Variants in CLPB observed in about 807,000 individuals in gnomAD.
CLPB encodes the protein ClpB family mitochondrial disaggregase.
In CLPB, 40 loss-of-function variants were observed where a neutral mutation model predicts 78.4. The observed-to-expected ratio is 0.51, with a 90% confidence interval of 0.40 to 0.66. The LOEUF is 0.66. Among genes scored for constraint, CLPB ranks in the 30% least tolerant of loss-of-function variants. The pLI, the probability that CLPB is intolerant of heterozygous loss-of-function variation, is 0.00. For missense variants in CLPB, 780 were observed against 886.9 expected (o/e 0.88, Z 1.53); for synonymous variants, 333 against 348.0 (o/e 0.96, Z 0.48).
intron 9 of CLPB, among the ~76,000 whole-genome samples, chr11:72,306,323 C>A: frequency 6.6e-6 from 1 of 152,192 alleles, no homozygotes; most frequent in Non-Finnish European, 1.5e-5. Flanking sequence ...GCTGGGGCCA[C>A]TTGGCTGGCA....
chr11:72,426,382 G>A (rs907174167), intron 2 of CLPB, among the ~76,000 whole-genome samples: 9 of 152,194 alleles, frequency 5.9e-5, no homozygotes, highest in Non-Finnish European at 8.8e-5. Context: ...CTAGGTTTCG[G>A]GTGAGCAGTT....
intron 3 of CLPB, among the ~76,000 whole-genome samples, chr11:72,385,684 G>T (rs139750674): frequency 3.3e-5 from 5 of 152,150 alleles, no homozygotes; most frequent in African/African-American, 1.2e-4. Flanking sequence ...TTATCTGGGC[G>T]TGGTGGTGTA....
chr11:72,352,474 G>A (rs1490887697), intron 5 of CLPB: 1 of 152,206 alleles, frequency 6.6e-6, no homozygotes, highest in African/African-American at 2.4e-5. Context: ...AAAGTATGCT[G>A]CTTCATACTC....
At position 72,333,849 on chromosome 11, in the gene CLPB, C is replaced by G. The variant is rs529563003; in HGVS notation, c.776-4045G>C. On this transcript the variant is annotated intron_variant, in intron 5 of 15. Coordinates refer to ENST00000538039, the MANE Select transcript of CLPB (RefSeq NM_001258392.3). ...GTGGCAGACAGCATCCTCCCCTCCC[C>G]GCAGAGCTAAACCACAACGGAGGCA... Among the ~76,000 whole-genome samples, 10 of 152,278 alleles carry G rather than the reference C, an allele frequency of 6.6e-5. No homozygotes were observed. In the East Asian group the frequency reaches 1.7e-3, roughly 26 times the overall value.
At chr11:72,322,054 A>G (rs1369787076) in intron 6 of CLPB, among the ~76,000 whole-genome samples, 1 of 152,106 alleles carries the variant, frequency 6.6e-6, no homozygotes, top group African/African-American at 2.4e-5. Context: ...AGTCTAGGGG[A>G]TGCAGAGCAG....
chr11:72,363,352 C>A (rs542915836), intron 4 of CLPB: 1 of 152,110 alleles, frequency 6.6e-6, no homozygotes, highest in Non-Finnish European at 1.5e-5. Context: ...CTCTAGATAA[C>A]AAAAGCTTTA....
chr11:72,423,851 T>C (rs891633815), intron 2 of CLPB, among the ~76,000 whole-genome samples: 7 of 152,230 alleles, frequency 4.6e-5, no homozygotes, highest in Non-Finnish European at 1.0e-4. Flanking sequence ...GGTCCAGCCT[T>C]ATTGGCCTTC....
chr11:72,323,754 G>A (rs1297493702), intron 6 of CLPB, among the ~76,000 whole-genome samples: 1 of 152,062 alleles, frequency 6.6e-6, no homozygotes, highest in Non-Finnish European at 1.5e-5. Context: ...TTTCTTGTAA[G>A]GAGAATTATT....
intron 12 of CLPB, among the ~76,000 whole-genome samples, chr11:72,295,184 T>C (rs1479027343): frequency 6.6e-6 from 1 of 152,224 alleles, no homozygotes. Flanking sequence ...CTCTTGCATG[T>C]GCATCTCCTC....
intron 7 of CLPB, among the ~76,000 whole-genome samples, chr11:72,316,397 T>A (rs1949942537): frequency 6.6e-6 from 1 of 152,196 alleles, no homozygotes. Flanking sequence ...CCTTGCCTCA[T>A]CTATCTGAAA....
At chr11:72,394,650 A>G (rs527514238) in intron 3 of CLPB, among the ~76,000 whole-genome samples, 11 of 152,336 alleles carry the variant, frequency 7.2e-5, no homozygotes, top group Middle Eastern at 3.4e-3. Flanking sequence ...TGGAATTGGA[A>G]TATCATTACC....
chr11:72,317,686 A>G (rs1949973721), intron 6 of CLPB, among the ~76,000 whole-genome samples: 1 of 152,252 alleles, frequency 6.6e-6, no homozygotes, highest in Non-Finnish European at 1.5e-5. Context: ...GTTTTGCTCA[A>G]AAGAGAGCTA....
At chr11:72,379,810 G>C (rs1451883969) in intron 4 of CLPB, among the ~76,000 whole-genome samples, 3 of 152,186 alleles carry the variant, frequency 2.0e-5, no homozygotes, top group Admixed American at 2.0e-4. Context: ...CAGAGTAATA[G>C]TATTTAGGGA....
chr11:72,344,420 TAGGCTGGTCTCAA>T (rs1950475477), intron 5 of CLPB, among the ~76,000 whole-genome samples: 2 of 151,904 alleles, frequency 1.3e-5, no homozygotes, highest in Non-Finnish European at 2.9e-5. Flanking sequence ...CCATGTTGTC[TAGGCTGGTCTCAA>T]ACTCCCGGGC....
Position 72,293,172 on chromosome 11 carries a change from G to A in CLPB, c.*195C>T, listed in dbSNP as rs1949480569. On this transcript the variant is annotated 3_prime_UTR_variant, in exon 16 of 16. Coordinates refer to ENST00000538039, the MANE Select transcript of CLPB (RefSeq NM_001258392.3). Reference sequence around the variant, plus strand: ...TAGCAGGTTATGGGCCCACAACAAAGGGGCCAGAGTAGGGCGAAATTCCTC... The same window carrying A: ...TAGCAGGTTATGGGCCCACAACAAAAGGGCCAGAGTAGGGCGAAATTCCTC... 3.2e-6 allele frequency: 2 copies of A among 632,180 alleles called. No individual in the cohort carries two copies. Among genetic ancestry groups the A allele is most frequent in the Non-Finnish European group, 2.7e-6 (1 of 372,204 alleles). 39.2% of individuals were successfully genotyped at this position (632,180 alleles called of 1,614,324 possible). A position where few individuals can be genotyped will look rare whatever the true frequency, so the allele number is the denominator to read the frequency against.
At chr11:72,338,670 C>T (rs777341036) in intron 5 of CLPB, among the ~76,000 whole-genome samples, 3 of 152,290 alleles carry the variant, frequency 2.0e-5, no homozygotes, top group Non-Finnish European at 2.9e-5. Context: ...TCCTTTGAAC[C>T]GCTAGAGTTA....
rs572820308 is a variant in CLPB at position 72,360,521 on chromosome 11, G to A, written c.647-1513C>T. Reference sequence around the variant, plus strand: ...CAGTGGCGCGATCTGGCTCAATGCAGCCTCTACCTCGGTTCAAGCGTTTCT... The same window carrying A: ...CAGTGGCGCGATCTGGCTCAATGCAACCTCTACCTCGGTTCAAGCGTTTCT... On this transcript the variant is annotated intron_variant, in intron 4 of 15. Transcript: ENST00000538039. Among the ~76,000 whole-genome samples the A allele has an allele frequency of 3.9e-5, 6 of 152,006 alleles. No homozygotes were observed. In the East Asian group the frequency reaches 9.7e-4, roughly 25 times the overall value.
chr11:72,325,907 A>G (rs1950125682), intron 6 of CLPB, among the ~76,000 whole-genome samples: 1 of 152,170 alleles, frequency 6.6e-6, no homozygotes. Context: ...TGTCAACCAC[A>G]TTTTTTACAA....
At chr11:72,364,737 C>T (rs899371400) in intron 4 of CLPB, among the ~76,000 whole-genome samples, 57 of 152,016 alleles carry the variant, frequency 3.7e-4, no homozygotes, top group Admixed American at 8.5e-4. Flanking sequence ...CTGGTGACCC[C>T]AGTATGACTC....
Sources: gnomAD v4.1 joint callset for allele counts (sites outside exome capture counted in the v4.1 genomes callset) on GRCh38, gnomAD v4.1.1 for gene constraint, MANE v1.5 for transcripts, NCBI Gene and HGNC (gene_info 2026-07-23, HGNC 2026-07-21) for gene names.